The following DNAI4 variants were observed in gnomAD, a reference collection of about 807,000 sequenced individuals.
DNAI4 encodes the protein WD repeat domain 78.
DNAI4 carries 85 observed loss-of-function variants against 105.8 expected under a neutral mutation model. The observed-to-expected ratio is 0.80, with a 90% CI of 0.67 to 0.96. DNAI4 has a LOEUF of 0.96. Among genes scored for constraint, DNAI4 ranks in the 40% least tolerant of loss-of-function variants. The pLI is 0.00. For missense variants in DNAI4, 1,014 were observed against 1,005.6 expected, an observed-to-expected ratio of 1.01 and a Z score of -0.11; for synonymous variants, 352 against 331.5, an observed-to-expected ratio of 1.06 and a Z score of -0.67.
chr1:66,840,349 A>C lies in DNAI4; in HGVS notation c.1494+120T>G, dbSNP rs571319163. On this transcript the variant is annotated intron_variant, in intron 9 of 16. Transcript: ENST00000371026. ...TGTTTTAGGGGCATTCTAAAACTCA[A>C]AGTTATGGTCAATTTAAATTCCTTG... 6.5e-6 allele frequency: 6 copies of C among 929,306 alleles called. No individual in the cohort carries two copies. The African/African-American group carries it at 1.0e-4, about 15-fold the overall frequency. The allele number at this position is 929,306 out of a possible 1,614,324, so 57.6% of individuals were successfully genotyped here.
At chr1:66,906,569 T>C (rs1231518662) in intron 1 of DNAI4, among the ~76,000 whole-genome samples, 3 of 152,182 alleles carry the variant, frequency 2.0e-5, no homozygotes, top group African/African-American at 4.8e-5. Context: ...CTCTGCAGAA[T>C]GTAAGCATGT....
intron 1 of DNAI4, among the ~76,000 whole-genome samples, chr1:66,920,721 G>C (rs749632154): frequency 6.6e-6 from 1 of 152,160 alleles, no homozygotes; most frequent in Non-Finnish European, 1.5e-5. Flanking sequence ...TCACTATCCT[G>C]CTTCACCACC....
chr1:66,905,151 GT>G lies in DNAI4; in HGVS notation c.345+49del, dbSNP rs781495987. The G allele has an allele frequency of 3.7e-6, 5 of 1,335,504 alleles. No individual in the cohort carries two copies. The South Asian group carries it at 7.7e-5, about 21-fold the overall frequency. 82.7% of individuals were successfully genotyped at this position (1,335,504 alleles called of 1,614,324 possible). A position where few individuals can be genotyped will look rare whatever the true frequency, so the allele number is the denominator to read the frequency against. On this transcript the variant is annotated intron_variant, in intron 2 of 16. Transcript: ENST00000371026. Reference sequence around the variant, plus strand: ...TTTCTATCTTTAACATTTCAATTGAGTTTTTCACAGTGCCATTTTCAAATAA... The same window carrying G: ...TTTCTATCTTTAACATTTCAATTGAGTTTTCACAGTGCCATTTTCAAATAA...
At chr1:66,847,765 T>C (rs1646309695) in intron 7 of DNAI4, 87 bp from the exon 8 acceptor site, 1 of 1,084,644 alleles carries the variant, frequency 9.2e-7, no homozygotes, top group Admixed American at 2.9e-5. Context: ...CATTTCATCA[T>C]TTGTATTTAT....
At chr1:66,864,536 C>T (rs1358623537) in intron 6 of DNAI4, among the ~76,000 whole-genome samples, 1 of 152,146 alleles carries the variant, frequency 6.6e-6, no homozygotes, top group South Asian at 2.1e-4. Flanking sequence ...ACAGCATCTG[C>T]TATAAAAGAA....
In DNAI4 at chr1:66,812,943, T is replaced by C. The variant is rs1261704750; in HGVS notation, c.*1187A>G. 1 of 152,354 alleles carries C rather than the reference T, an allele frequency of 6.6e-6. No homozygotes were observed. Among genetic ancestry groups the C allele is most frequent in the African/African-American group, 2.4e-5 (1 of 41,466 alleles). The allele number at this position is 152,354 out of a possible 1,614,324, so 9.4% of individuals were successfully genotyped here. On this transcript the variant is annotated 3_prime_UTR_variant, in exon 17 of 17. Coordinates refer to ENST00000371026, the MANE Select transcript of DNAI4 (RefSeq NM_024763.5). ...ACACAAGGTGTTATAGAAAATCCAA[T>C]CTTTCAGAAAGACAAAAACAAAGAT... is the stretch of plus-strand genomic sequence containing the variant.
intron 6 of DNAI4, among the ~76,000 whole-genome samples, chr1:66,862,648 T>C (rs968647832): frequency 1.3e-5 from 2 of 152,214 alleles, no homozygotes. Context: ...TGGATAGAAA[T>C]GACAAAGAAA....
intron 7 of DNAI4, among the ~76,000 whole-genome samples, chr1:66,848,739 C>T (rs1646331536): frequency 1.3e-5 from 2 of 152,270 alleles, no homozygotes; most frequent in South Asian, 2.1e-4. Context: ...AACCTGGGAA[C>T]ACTGATGGGC....
chr1:66,892,085 T>G lies in DNAI4; in HGVS notation c.531-819A>C, dbSNP rs2985805. ...TAACTAAAATATATGTACTCAGAAATAAATCAATGGAAGAATCCAAAAATA... is the reference window on the plus strand; with the variant it reads ...TAACTAAAATATATGTACTCAGAAAGAAATCAATGGAAGAATCCAAAAATA... On this transcript the variant is annotated intron_variant, in intron 3 of 16. Coordinates refer to ENST00000371026, the MANE Select transcript of DNAI4 (RefSeq NM_024763.5). Among the ~76,000 whole-genome samples, 1,212 of 152,316 alleles carry G rather than the reference T, an allele frequency of 8.0e-3. 15 individuals carry two copies. The highest frequency in any genetic ancestry group is 0.028 in the African/African-American group (1,165 of 41,556).
chr1:66,835,888 GC>G, intron 10 of DNAI4, 111 bp from the exon 11 acceptor site: 1 of 873,960 alleles, frequency 1.1e-6, no homozygotes, highest in Non-Finnish European at 1.8e-6. Flanking sequence ...AGCAGAGTTA[GC>G]CCACATTCAG....
intron 10 of DNAI4, among the ~76,000 whole-genome samples, chr1:66,837,137 G>A (rs1292315615): frequency 2.6e-5 from 4 of 152,036 alleles, no homozygotes; most frequent in Non-Finnish European, 5.9e-5. Context: ...AAGCCAAGGC[G>A]GCTGGATCAT....
intron 4 of DNAI4, among the ~76,000 whole-genome samples, chr1:66,887,903 G>C (rs1647278942): frequency 2.0e-5 from 3 of 152,018 alleles, no homozygotes; most frequent in Admixed American, 6.6e-5. Flanking sequence ...AGGTTGTAGT[G>C]AGCCGAGATC....
intron 7 of DNAI4, chr1:66,860,614 T>G (rs1646605602): frequency 6.6e-6 from 1 of 152,148 alleles, no homozygotes; most frequent in Non-Finnish European, 1.5e-5. Context: ...AATATGGTTT[T>G]ATTGTCCCTT....
intron 1 of DNAI4, 87 bp downstream of exon 1, chr1:66,924,575 T>C: frequency 6.3e-7 from 1 of 1,593,786 alleles, no homozygotes; most frequent in South Asian, 1.1e-5. Context: ...AGGGCCCCTT[T>C]CCAAATCCAG....
chr1:66,857,693 C>T (rs942294603), intron 7 of DNAI4, among the ~76,000 whole-genome samples: 1 of 151,956 alleles, frequency 6.6e-6, no homozygotes, highest in Non-Finnish European at 1.5e-5. Flanking sequence ...AACCACAACG[C>T]CCGGCTGATT....
At chr1:66,909,982 G>A (rs1384734421) in intron 1 of DNAI4, among the ~76,000 whole-genome samples, 2 of 152,028 alleles carry the variant, frequency 1.3e-5, no homozygotes, top group East Asian at 1.9e-4. Context: ...ATAGCCTTTC[G>A]CTTCATCTTC....
intron 16 of DNAI4, among the ~76,000 whole-genome samples, chr1:66,821,764 T>C (rs1028328553): frequency 1.3e-5 from 2 of 152,102 alleles, no homozygotes; most frequent in African/African-American, 4.8e-5. Flanking sequence ...ATATTTGTGC[T>C]AATATTTACC....
chr1:66,910,451 T>C (rs755108056), intron 1 of DNAI4, among the ~76,000 whole-genome samples: 2 of 152,212 alleles, frequency 1.3e-5, no homozygotes, highest in Non-Finnish European at 2.9e-5. Context: ...CATTTTCATA[T>C]CAAAGACTTG....
intron 1 of DNAI4, chr1:66,919,138 C>T: frequency 2.3e-6 from 1 of 442,614 alleles, no homozygotes; most frequent in South Asian, 1.6e-5. Context: ...AAAACAAAGA[C>T]ATGCCCTGAC....
Sources: gnomAD v4.1 joint callset for allele counts (sites outside exome capture counted in the v4.1 genomes callset) on GRCh38, gnomAD v4.1.1 for gene constraint, MANE v1.5 for transcripts, NCBI Gene and HGNC (gene_info 2026-07-23, HGNC 2026-07-21) for gene names.